The following NRG3 variants were observed in gnomAD, a reference collection of about 807,000 sequenced individuals.
The protein encoded by NRG3 is neuregulin 3, also known as pro-neuregulin-3, membrane-bound isoform.
Under a neutral mutation model 66.9 loss-of-function variants are expected in NRG3, and 31 were observed. That is an observed-to-expected ratio of 0.46 (90% CI 0.35 to 0.63). The LOEUF (loss-of-function observed/expected upper bound fraction) is 0.63. NRG3 is among the 20% of genes least tolerant of loss of function. The pLI, the probability that NRG3 is intolerant of heterozygous loss-of-function variation, is 0.00. For synonymous variants in NRG3, 393 were observed against 359.4 expected (o/e 1.09, Z -1.06); for missense variants, 910 against 878.9 (o/e 1.04, Z -0.45).
chr10:82,046,772 G>C (rs1315030333), intron 1 of NRG3, among the ~76,000 whole-genome samples: 1 of 28,462 alleles, frequency 3.5e-5, no homozygotes, highest in East Asian at 1.4e-3. Context: ...AGAGTTTTTA[G>C]CATGAAGCGT....
chr10:82,911,588 C>T (rs575470662), intron 4 of NRG3, among the ~76,000 whole-genome samples: 33 of 150,590 alleles, frequency 2.2e-4, no homozygotes, highest in African/African-American at 7.8e-4. Context: ...AGCAATGATC[C>T]TTCTTTCATT....
intron 3 of NRG3, among the ~76,000 whole-genome samples, chr10:82,816,568 T>A (rs2061714204): frequency 6.6e-6 from 1 of 151,828 alleles, no homozygotes; most frequent in Admixed American, 6.6e-5. Flanking sequence ...AAAAGCACCA[T>A]AAGTTCTCAC....
At chr10:82,659,289 T>C (rs2052123894) in intron 2 of NRG3, among the ~76,000 whole-genome samples, 1 of 152,248 alleles carries the variant, frequency 6.6e-6, no homozygotes, top group Admixed American at 6.5e-5. Context: ...GTCTGGACTT[T>C]CTACATGATA....
At chr10:82,341,547 A>G (rs2135394982) in intron 1 of NRG3, among the ~76,000 whole-genome samples, 1 of 152,204 alleles carries the variant, frequency 6.6e-6, no homozygotes, top group African/African-American at 2.4e-5. Flanking sequence ...TGTTGGTTTG[A>G]ATTGTTAAAA....
At position 81,993,697 on chromosome 10, in the gene NRG3, T is replaced by C. The variant is rs574396385; in HGVS notation, c.823+117534T>C. On this transcript the variant is annotated intron_variant, in intron 1 of 8. Coordinates refer to ENST00000372141, the MANE Select transcript of NRG3 (RefSeq NM_001010848.4). ...CCAATTCCAAATTTAGTGTCAAGTC[T>C]ACAAGTTCAAACTACTTTCATTAAA... Among the ~76,000 whole-genome samples, 35 of 152,318 alleles carry C rather than the reference T, an allele frequency of 2.3e-4. No individual in the cohort carries two copies. In the South Asian group the frequency reaches 6.6e-3, roughly 29 times the overall value.
At chr10:82,716,758 T>A (rs549459560) in intron 2 of NRG3, among the ~76,000 whole-genome samples, 3 of 152,090 alleles carry the variant, frequency 2.0e-5, no homozygotes, top group Non-Finnish European at 4.4e-5. Context: ...GGAAGCAAAT[T>A]AAGGTGGAAA....
chr10:82,105,590 C>T (rs1007271439), intron 1 of NRG3, among the ~76,000 whole-genome samples: 4 of 152,084 alleles, frequency 2.6e-5, no homozygotes, highest in Non-Finnish European at 5.9e-5. Flanking sequence ...TTGTGTTTGA[C>T]ATTTATTTGT....
intron 1 of NRG3, among the ~76,000 whole-genome samples, chr10:82,233,426 C>T (rs868706045): frequency 1.8e-4 from 27 of 152,236 alleles, no homozygotes; most frequent in African/African-American, 6.3e-4. Flanking sequence ...GTGATCTCTT[C>T]CCCAGTTAGA....
At chr10:81,999,290 T>C (rs1315965099) in intron 1 of NRG3, among the ~76,000 whole-genome samples, 1 of 152,146 alleles carries the variant, frequency 6.6e-6, no homozygotes, top group Non-Finnish European at 1.5e-5. Flanking sequence ...ACAGTAGAAA[T>C]TGAAGAAAAC....
chr10:82,593,216 A>T lies in NRG3; in HGVS notation c.954-145361A>T, dbSNP rs528232291. 1.1e-4 allele frequency among the ~76,000 whole-genome samples: 16 copies of T among 152,290 alleles called. No homozygotes were observed. The South Asian group carries it at 2.9e-3, about 28-fold the overall frequency. On this transcript the variant is annotated intron_variant, in intron 2 of 8. Coordinates refer to ENST00000372141, the MANE Select transcript of NRG3 (RefSeq NM_001010848.4). ...TGTAAGAGTAGTGACCCAAGAACAT[A>T]TAAGGGGGAAGTTCTCTACTGAAGG...
intron 2 of NRG3, among the ~76,000 whole-genome samples, chr10:82,393,762 G>A (rs770917201): frequency 3.3e-5 from 5 of 152,098 alleles, no homozygotes; most frequent in Non-Finnish European, 7.4e-5. Context: ...GTGGGCCCCT[G>A]GTCAGTTTTC....
intron 2 of NRG3, among the ~76,000 whole-genome samples, chr10:82,598,493 C>A (rs1051560947): frequency 6.6e-6 from 1 of 152,082 alleles, no homozygotes; most frequent in Admixed American, 6.6e-5. Flanking sequence ...ATCTCTTGGA[C>A]ACATGACATT....
intron 1 of NRG3, among the ~76,000 whole-genome samples, chr10:81,986,581 T>A (rs919332965): frequency 6.6e-6 from 1 of 152,216 alleles, no homozygotes; most frequent in Non-Finnish European, 1.5e-5. Flanking sequence ...CTTTCAAAAT[T>A]AAAATGATAC....
chr10:82,232,712 T>G (rs926458367), intron 1 of NRG3: 2 of 716,766 alleles, frequency 2.8e-6, no homozygotes, highest in Non-Finnish European at 5.2e-6. Context: ...CAGGAGAGAC[T>G]CGAGAAAATA....
At chr10:82,250,843 C>T (rs750209053) in intron 1 of NRG3, among the ~76,000 whole-genome samples, 22 of 152,228 alleles carry the variant, frequency 1.4e-4, no homozygotes, top group Middle Eastern at 3.4e-3. Context: ...CTATATTTAC[C>T]GGATGCTGTA....
rs995505800 is a variant in NRG3 at position 81,976,541 on chromosome 10, G to T, written c.823+100378G>T. ...TCAGTTCTAGACTCTAGGATAGATT[G>T]CTGAGATATTTTTCATCAATGGAAA... On this transcript the variant is annotated intron_variant, in intron 1 of 8. Coordinates refer to ENST00000372141, the MANE Select transcript of NRG3 (RefSeq NM_001010848.4). Among the ~76,000 whole-genome samples the T allele has an allele frequency of 6.6e-5, 10 of 152,290 alleles. No homozygotes were observed. In the East Asian group the frequency reaches 7.7e-4, roughly 12 times the overall value.
At chr10:82,722,734 T>C (rs2090130698) in intron 2 of NRG3, among the ~76,000 whole-genome samples, 1 of 152,212 alleles carries the variant, frequency 6.6e-6, no homozygotes, top group Admixed American at 6.5e-5. Context: ...ACTTTAGATA[T>C]GGAGCATTGA....
intron 2 of NRG3, among the ~76,000 whole-genome samples, chr10:82,525,584 A>G (rs961292869): frequency 5.3e-5 from 8 of 151,956 alleles, no homozygotes; most frequent in African/African-American, 1.9e-4. Flanking sequence ...TTGTATCTTT[A>G]TCTTAAGCCC....
At chr10:82,595,235 G>T (rs551111840) in intron 2 of NRG3, among the ~76,000 whole-genome samples, 1 of 152,280 alleles carries the variant, frequency 6.6e-6, no homozygotes, top group Non-Finnish European at 1.5e-5. Flanking sequence ...TCTCCTGCAT[G>T]TAGTGAACTT....
Sources: gnomAD v4.1 joint callset for allele counts (sites outside exome capture counted in the v4.1 genomes callset) on GRCh38, gnomAD v4.1.1 for gene constraint, MANE v1.5 for transcripts, NCBI Gene and HGNC (gene_info 2026-07-23, HGNC 2026-07-21) for gene names.